RORA: variants seen among roughly 807,000 people sequenced by gnomAD.
The protein encoded by RORA is nuclear receptor ROR-alpha.
A neutral mutation model predicts 69.5 loss-of-function variants in RORA; 7 were observed. The observed-to-expected ratio is 0.10, with a 90% CI of 0.06 to 0.19. The LOEUF (loss-of-function observed/expected upper bound fraction) is 0.19, where lower values mean the gene tolerates loss of function less well. RORA is among the 10% of genes least tolerant of loss of function. The pLI is 1.00. For synonymous variants in RORA, 261 were observed against 240.8 expected (o/e 1.08, Z -0.78); for missense variants, 457 against 663.0 (o/e 0.69, Z 3.41).
chr15:60,635,055 G>A (rs1387013005), intron 2 of RORA, among the ~76,000 whole-genome samples: 2 of 152,208 alleles, frequency 1.3e-5, no homozygotes, highest in Non-Finnish European at 2.9e-5. Flanking sequence ...AACCCACGGA[G>A]CACGGCCTGC....
At chr15:60,550,987 C>A (rs1595959139) in intron 2 of RORA, among the ~76,000 whole-genome samples, 1 of 152,200 alleles carries the variant, frequency 6.6e-6, no homozygotes, top group East Asian at 1.9e-4. Context: ...TGCACTTAAC[C>A]AATACCTTTA....
chr15:61,016,609 T>C (rs1259270351), intron 1 of RORA, among the ~76,000 whole-genome samples: 1 of 152,166 alleles, frequency 6.6e-6, no homozygotes, highest in East Asian at 1.9e-4. Context: ...TTGGGTCCCA[T>C]GACCACAGAC....
At chr15:60,996,308 G>A (rs974252083) in intron 1 of RORA, among the ~76,000 whole-genome samples, 1 of 152,116 alleles carries the variant, frequency 6.6e-6, no homozygotes, top group African/African-American at 2.4e-5. Context: ...CTGACCTCAA[G>A]TGTTCTGCCT....
intron 1 of RORA, among the ~76,000 whole-genome samples, chr15:61,037,852 T>A (rs1896537959): frequency 6.6e-6 from 1 of 152,144 alleles, no homozygotes; most frequent in African/African-American, 2.4e-5. Context: ...TTAACTCTGA[T>A]GGGGGCAGTC....
At chr15:60,675,453 T>C (rs1447806082) in intron 2 of RORA, among the ~76,000 whole-genome samples, 1 of 152,248 alleles carries the variant, frequency 6.6e-6, no homozygotes, top group Non-Finnish European at 1.5e-5. Flanking sequence ...CAACATTTCC[T>C]ATCAACAATT....
intron 1 of RORA, among the ~76,000 whole-genome samples, chr15:60,824,596 C>T (rs1422143807): frequency 6.6e-6 from 1 of 152,226 alleles, no homozygotes; most frequent in African/African-American, 2.4e-5. Context: ...TGCCATTTAA[C>T]AGCTGTGCGA....
At chr15:60,647,209 T>G (rs761742629) in intron 2 of RORA, among the ~76,000 whole-genome samples, 3 of 152,192 alleles carry the variant, frequency 2.0e-5, no homozygotes, top group Non-Finnish European at 2.9e-5. Flanking sequence ...TATCTTTCCT[T>G]TATGCTCAGA....
chr15:60,550,241 G>C (rs539477254), intron 2 of RORA, among the ~76,000 whole-genome samples: 1 of 152,352 alleles, frequency 6.6e-6, no homozygotes, highest in African/African-American at 2.4e-5. Flanking sequence ...AGTGAACCAA[G>C]ATCGTGCCAT....
At chr15:60,815,799 A>T (rs969371872) in intron 1 of RORA, among the ~76,000 whole-genome samples, 27 of 151,186 alleles carry the variant, frequency 1.8e-4, no homozygotes, top group African/African-American at 6.6e-4. Flanking sequence ...CTGATCTTTT[A>T]AAAAAAATTT....
intron 2 of RORA, among the ~76,000 whole-genome samples, chr15:60,571,319 G>GTT (rs1041138336): frequency 2.7e-4 from 41 of 150,674 alleles, no homozygotes; most frequent in African/African-American, 9.7e-4. Context: ...GGTTTCCTGT[G>GTT]TTTTTGTGTG....
intron 1 of RORA, among the ~76,000 whole-genome samples, chr15:61,173,121 T>G (rs2079599940): frequency 6.6e-6 from 1 of 152,216 alleles, no homozygotes; most frequent in Non-Finnish European, 1.5e-5. Flanking sequence ...TTCTTTCTAC[T>G]AGGCACTGTA....
chr15:60,592,794 G>T lies in RORA; in HGVS notation c.197-60943C>A, dbSNP rs140795758. On this transcript the variant is annotated intron_variant, in intron 2 of 10. Transcript: ENST00000335670. Reference sequence around the variant, plus strand: ...TCGCCCGGGCGCCCGCCTTCCCCTCGCCTTCGGGATCACCTGTGGCCGCCG... The same window carrying T: ...TCGCCCGGGCGCCCGCCTTCCCCTCTCCTTCGGGATCACCTGTGGCCGCCG... 2,423 of 666,532 alleles carry T rather than the reference G, an allele frequency of 3.6e-3. 54 individuals carry two copies. The African/African-American group carries it at 0.044, about 12-fold the overall frequency. The allele number at this position is 666,532 out of a possible 1,614,324, so 41.3% of individuals were successfully genotyped here.
intron 2 of RORA, among the ~76,000 whole-genome samples, chr15:60,645,636 A>T (rs1345385384): frequency 1.3e-5 from 2 of 151,884 alleles, no homozygotes; most frequent in African/African-American, 4.8e-5. Context: ...CAAGTGATCC[A>T]CCCGCCTCAG....
intron 1 of RORA, among the ~76,000 whole-genome samples, chr15:60,758,652 G>T (rs977550837): frequency 1.3e-5 from 2 of 152,158 alleles, no homozygotes; most frequent in Non-Finnish European, 2.9e-5. Flanking sequence ...TTTTTAAAGT[G>T]GTGATGATCA....
chr15:61,228,531 GC>G (rs1352729297), intron 1 of RORA, among the ~76,000 whole-genome samples: 1 of 78,884 alleles, frequency 1.3e-5, no homozygotes, highest in Non-Finnish European at 2.6e-5. Context: ...CACTCCTCCC[GC>G]CCCCCGCCCA....
At chr15:61,122,395 G>A (rs1261258233) in intron 1 of RORA, among the ~76,000 whole-genome samples, 1 of 152,018 alleles carries the variant, frequency 6.6e-6, no homozygotes, top group African/African-American at 2.4e-5. Flanking sequence ...CTATGCAGCT[G>A]GAATATATTT....
In RORA at chr15:60,490,005, A is replaced by G. The variant is rs2065015746; in HGVS notation, c.*7450T>C. On this transcript the variant is annotated 3_prime_UTR_variant, in exon 11 of 11. Transcript: ENST00000335670. This position sits in a 1 kb window ranked among gnomAD's most constrained non-coding sequence, Gnocchi z 4.1. Reference sequence around the variant, plus strand: ...TATAGCCATATTTATAAACAAATTCACCCTATAGATGTCAAATATCCATAC... The same window carrying G: ...TATAGCCATATTTATAAACAAATTCGCCCTATAGATGTCAAATATCCATAC... The G allele has an allele frequency of 6.6e-6, 1 of 152,042 alleles. No homozygotes were observed. Among genetic ancestry groups the G allele is most frequent in the South Asian group, 2.1e-4 (1 of 4,828 alleles). The allele number at this position is 152,042 out of a possible 1,614,324, so 9.4% of individuals were successfully genotyped here. A position where few individuals can be genotyped will look rare whatever the true frequency, so the allele number is the denominator to read the frequency against.
intron 1 of RORA, among the ~76,000 whole-genome samples, chr15:61,026,602 G>C (rs2140429306): frequency 1.3e-5 from 2 of 152,212 alleles, no homozygotes; most frequent in South Asian, 4.2e-4. Flanking sequence ...TAATACGCCT[G>C]CCTCATAAGT....
chr15:61,222,855 T>G (rs762295552), intron 1 of RORA, among the ~76,000 whole-genome samples: 6 of 152,208 alleles, frequency 3.9e-5, no homozygotes, highest in Non-Finnish European at 7.3e-5. Context: ...GTTTCCTAAC[T>G]TTCAGGATTT....
Sources: allele counts gnomAD v4.1 joint callset (sites outside exome capture counted in the v4.1 genomes callset), GRCh38; gene constraint gnomAD v4.1.1; non-coding constraint Gnocchi (gnomAD v3.1); transcripts MANE v1.5; gene names NCBI Gene and HGNC (gene_info 2026-07-23, HGNC 2026-07-21).